The following NECAB2 variants were observed in gnomAD, a reference collection of about 807,000 sequenced individuals.
NECAB2 encodes N-terminal EF-hand calcium binding protein 2.
Under a neutral mutation model 51.9 loss-of-function variants are expected in NECAB2, and 68 were observed. The ratio of observed to expected loss-of-function variants is 1.31; its 90% CI spans 1.08 to 1.60. The LOEUF (loss-of-function observed/expected upper bound fraction) is 1.60, where lower values mean the gene tolerates loss of function less well. Ranked by LOEUF, NECAB2 falls within the 40% of genes most tolerant of loss-of-function variation. NECAB2 has a pLI of 0.00. For missense variants in NECAB2, 854 were observed against 490.3 expected (o/e 1.74, Z -7.00); for synonymous variants, 329 against 203.5 (o/e 1.62, Z -5.25).
Position 84,001,852 on chromosome 16 carries a change from G to A in NECAB2, c.1068G>A (p.Ala356=), listed in dbSNP as rs149100547. 3.9e-4 allele frequency: 627 copies of A among 1,614,116 alleles called. 5 individuals are homozygous for A. Among genetic ancestry groups the A allele is most frequent in the African/African-American group, 3.0e-3 (223 of 75,050 alleles). ...KRHLQSPLCK[A]FRHVKVDTLS... ...ACCTGCAGAGCCCCCTGTGTAAGGC[G>A]TTCCGGCACGTCAAGGTGGACACAC... Residue 356 remains alanine, a synonymous_variant, in exon 12 of 13, where the codon GCG becomes GCA. Coordinates refer to ENST00000305202, the MANE Select transcript of NECAB2 (RefSeq NM_019065.3).
At chr16:83,981,204 G>A (rs2084485411) in intron 5 of NECAB2, 77 bp downstream of exon 5, 3 of 1,361,060 alleles carry the variant, frequency 2.2e-6, no homozygotes, top group East Asian at 2.3e-5. Flanking sequence ...AGGATGCCTG[G>A]ATTTTTGAAG....
intron 1 of NECAB2, among the ~76,000 whole-genome samples, chr16:83,969,270 C>A (rs2084323237): frequency 1.3e-5 from 2 of 152,090 alleles, no homozygotes; most frequent in South Asian, 4.1e-4. Flanking sequence ...TTTTCTGAGA[C>A]CCCTAACAAC....
intron 8 of NECAB2, among the ~76,000 whole-genome samples, chr16:83,996,111 G>A (rs1051093467): frequency 1.3e-5 from 2 of 152,242 alleles, no homozygotes; most frequent in African/African-American, 2.4e-5. Flanking sequence ...AACCGGAGCT[G>A]CCTCTGGGCT....
In NECAB2 at chr16:83,999,542, G is replaced by A. The variant is rs374914111; in HGVS notation, c.963-1182G>A. Among the ~76,000 whole-genome samples the A allele has an allele frequency of 1.6e-4, 25 of 152,128 alleles. No homozygotes were observed. In the East Asian group the frequency reaches 1.7e-3, roughly 11 times the overall value. ...TCCACCCCAAGATGGAATCCAGCCC[G>A]GCCCCTTCCTCTAGGCTGAGCACTG... On this transcript the variant is annotated intron_variant, in intron 10 of 12. Coordinates refer to ENST00000305202, the MANE Select transcript of NECAB2 (RefSeq NM_019065.3).
intron 11 of NECAB2, among the ~76,000 whole-genome samples, chr16:84,001,423 G>A (rs2084832033): frequency 6.6e-6 from 1 of 152,142 alleles, no homozygotes; most frequent in Non-Finnish European, 1.5e-5. Flanking sequence ...GGGAACAGGG[G>A]CGGTCATGAG....
intron 5 of NECAB2, among the ~76,000 whole-genome samples, chr16:83,987,122 G>GA (rs2084566482): frequency 6.6e-6 from 1 of 152,066 alleles, no homozygotes; most frequent in South Asian, 2.1e-4. Flanking sequence ...ATAAATGTTG[G>GA]AAAACAAAAC....
At chr16:83,997,818 A>C (rs2084737164) in intron 9 of NECAB2, among the ~76,000 whole-genome samples, 1 of 152,096 alleles carries the variant, frequency 6.6e-6, no homozygotes, top group Non-Finnish European at 1.5e-5. Context: ...TTTGATCCAA[A>C]AAAGGTTTGG....
At position 83,994,273 on chromosome 16, in the gene NECAB2, G is replaced by T. The variant is rs577531007; in HGVS notation, c.597-29G>T. On this transcript the variant is annotated intron_variant, in intron 6 of 12. Coordinates refer to ENST00000305202, the MANE Select transcript of NECAB2 (RefSeq NM_019065.3). ...TAAGGGCCCTGAAGCCACCGCCATG[G>T]TCTGTGTGTGTTCCCATCCAAACTG... 8.7e-6 allele frequency: 14 copies of T among 1,608,574 alleles called. No homozygotes were observed. In the South Asian group the frequency reaches 1.5e-4, roughly 18 times the overall value.
At chr16:83,984,740 A>G (rs562515175) in intron 5 of NECAB2, among the ~76,000 whole-genome samples, 2 of 152,276 alleles carry the variant, frequency 1.3e-5, no homozygotes, top group Admixed American at 1.3e-4. Context: ...CAAAAATAAA[A>G]AAATAAAATG....
intron 5 of NECAB2, among the ~76,000 whole-genome samples, chr16:83,989,975 C>G (rs1383558514): frequency 6.6e-6 from 1 of 152,148 alleles, no homozygotes; most frequent in Non-Finnish European, 1.5e-5. Flanking sequence ...TTAGTAGCAG[C>G]CTGGAGATCC....
chr16:83,984,263 G>T (rs564369454), intron 5 of NECAB2, among the ~76,000 whole-genome samples: 169 of 151,846 alleles, frequency 1.1e-3, no homozygotes, highest in African/African-American at 3.8e-3. Context: ...CCAAAGTGCT[G>T]GGATTACAGG....
chr16:83,982,817 T>C (rs1353705403), intron 5 of NECAB2, among the ~76,000 whole-genome samples: 18 of 152,146 alleles, frequency 1.2e-4, no homozygotes, highest in Admixed American at 1.1e-3. Flanking sequence ...GTGGTGATGA[T>C]AGGTTGTTGC....
At chr16:83,975,173 T>G (rs2084394592) in intron 2 of NECAB2, among the ~76,000 whole-genome samples, 2 of 128,686 alleles carry the variant, frequency 1.6e-5, no homozygotes, top group African/African-American at 7.2e-5. Context: ...GGTGCAGGGA[T>G]GGGAACAGGT....
Position 83,991,363 on chromosome 16 carries a change from C to CT in NECAB2, c.596+737dup, listed in dbSNP as rs1268996212. ...TTCTTTTTCTATTTCCTTTTCTTTT[C>CT]TTTTCTTTTTTTTTTTTTTTTGAGA... On this transcript the variant is annotated intron_variant, in intron 6 of 12. Coordinates refer to ENST00000305202, the MANE Select transcript of NECAB2 (RefSeq NM_019065.3). 5.2e-4 allele frequency among the ~76,000 whole-genome samples: 66 copies of CT among 126,486 alleles called. 1 individual carries two copies. The highest frequency in any genetic ancestry group is 7.7e-4 in the African/African-American group (19 of 24,578). The allele number at this position is 126,486 out of a possible 152,430, so 83.0% of individuals were successfully genotyped here.
intron 7 of NECAB2, 23 bp downstream of exon 7, chr16:83,994,443 GTGGGGGTACCAGC>G: frequency 1.2e-6 from 2 of 1,612,378 alleles, no homozygotes; most frequent in South Asian, 1.1e-5. Flanking sequence ...GGGGGCCCTG[GTGGGGGTACCAGC>G]TGGGGGTCCC....
chr16:83,984,004 T>G (rs1012583035), intron 5 of NECAB2, among the ~76,000 whole-genome samples: 2 of 150,182 alleles, frequency 1.3e-5, no homozygotes, highest in East Asian at 1.9e-4. Context: ...TGGTTTTTTT[T>G]TTTTTTTTTT....
chr16:83,998,458 G>T (rs1209977339), intron 10 of NECAB2, 141 bp downstream of exon 10: 2 of 767,708 alleles, frequency 2.6e-6, no homozygotes, highest in African/African-American at 1.7e-5. Context: ...GTAAGAAGTG[G>T]GTTCAGGTCT....
chr16:83,994,581 A>AGTCTGT, intron 7 of NECAB2, 28 bp from the exon 8 acceptor site: 1 of 1,613,772 alleles, frequency 6.2e-7, no homozygotes. Context: ...CCACCACTGA[A>AGTCTGT]GTCTGTGTGT....
Position 83,978,544 on chromosome 16 carries a change from C to G in NECAB2, c.327C>G (p.Asp109Glu). The G allele has an allele frequency of 1.2e-6, 2 of 1,612,798 alleles. No individual in the cohort carries two copies. Among genetic ancestry groups the G allele is most frequent in the South Asian group, 1.1e-5 (1 of 91,024 alleles). ...LEDLFHTIDS[D>E]NTNHVDTKEL... ...ATCTCTTTCACACGATTGACTCTGA[C>G]AACACCAAGTGAGCTTCAGTCCTGG... The change falls in exon 3 of 13, where the codon GAC becomes GAG. Residue 109 changes from aspartate (D) to glutamate (E), a missense_variant. Asp to Glu is a conservative substitution (Grantham distance 45, BLOSUM62 2). Coordinates refer to ENST00000305202, the MANE Select transcript of NECAB2 (RefSeq NM_019065.3).
Sources: gnomAD v4.1 joint callset for allele counts (sites outside exome capture counted in the v4.1 genomes callset) on GRCh38, gnomAD v4.1.1 for gene constraint, MANE v1.5 for transcripts, NCBI Gene and HGNC (gene_info 2026-07-23, HGNC 2026-07-21) for gene names.